Variants in ANKRD12 observed in about 807,000 individuals in gnomAD.
The protein encoded by ANKRD12 is ankyrin repeat domain 12.
ANKRD12 carries 85 observed loss-of-function variants against 183.4 expected under a neutral mutation model. That is an observed-to-expected ratio of 0.46 (90% confidence interval 0.39 to 0.56). The LOEUF is 0.56. ANKRD12 is among the 20% of genes least tolerant of loss of function. ANKRD12 has a pLI of 0.00. For synonymous variants in ANKRD12, 914 were observed against 800.2 expected (o/e 1.14, Z -2.40); for missense variants, 2,405 against 2,357.1 (o/e 1.02, Z -0.42).
chr18:9,214,526 A>G (rs1249722304), intron 6 of ANKRD12, among the ~76,000 whole-genome samples: 2 of 152,162 alleles, frequency 1.3e-5, no homozygotes, highest in South Asian at 2.1e-4. Context: ...TGCATGCCAC[A>G]GTGAAATGTG....
intron 1 of ANKRD12, among the ~76,000 whole-genome samples, chr18:9,175,951 CTT>C (rs1268094862): frequency 6.6e-6 from 1 of 152,076 alleles, no homozygotes; most frequent in East Asian, 1.9e-4. Flanking sequence ...AAAAAAAACT[CTT>C]TGTTTCCTGA....
chr18:9,204,653 G>C, intron 4 of ANKRD12, 109 bp downstream of exon 4: 3 of 846,956 alleles, frequency 3.5e-6, no homozygotes, highest in Non-Finnish European at 5.3e-6. Context: ...AGATATCTTT[G>C]GTTAAATAAA....
At chr18:9,214,943 A>G (rs746958759) in intron 6 of ANKRD12, among the ~76,000 whole-genome samples, 5 of 152,184 alleles carry the variant, frequency 3.3e-5, no homozygotes, top group Non-Finnish European at 7.4e-5. Flanking sequence ...TCATTATACA[A>G]CAATTTTAAG....
intron 8 of ANKRD12, among the ~76,000 whole-genome samples, chr18:9,246,555 T>C (rs948842771): frequency 1.3e-5 from 2 of 152,176 alleles, no homozygotes; most frequent in Non-Finnish European, 2.9e-5. Context: ...TGTAGCCCTG[T>C]AATAAGTGAA....
intron 8 of ANKRD12, among the ~76,000 whole-genome samples, chr18:9,253,516 A>G (rs1269712347): frequency 6.6e-6 from 1 of 152,190 alleles, no homozygotes; most frequent in Admixed American, 6.5e-5. Context: ...ATAGAATTTC[A>G]TTCTTTTCTA....
intron 11 of ANKRD12, 57 bp from the exon 12 acceptor site, chr18:9,279,492 G>C: frequency 1.0e-6 from 1 of 983,130 alleles, no homozygotes; most frequent in South Asian, 1.4e-5. Flanking sequence ...TACTATAATG[G>C]CATATAGATT....
At chr18:9,168,089 G>A (rs1389087906) in intron 1 of ANKRD12, among the ~76,000 whole-genome samples, 1 of 152,154 alleles carries the variant, frequency 6.6e-6, no homozygotes, top group Middle Eastern at 3.2e-3. Flanking sequence ...TGGTGGATAA[G>A]CTTCTTGATG....
intron 10 of ANKRD12, among the ~76,000 whole-genome samples, chr18:9,269,815 C>T (rs554499991): frequency 2.9e-4 from 44 of 152,116 alleles, no homozygotes; most frequent in Non-Finnish European, 5.6e-4. Flanking sequence ...AAAGAAACTA[C>T]CATCAGAGTG....
intron 8 of ANKRD12, chr18:9,249,663 A>G (rs567853152): frequency 6.6e-6 from 1 of 152,310 alleles, no homozygotes; most frequent in African/African-American, 2.4e-5. Flanking sequence ...GGCTAGTTAA[A>G]TGAAGCAGTG....
At chr18:9,209,143 T>G (rs897399501) in intron 5 of ANKRD12, among the ~76,000 whole-genome samples, 3 of 152,218 alleles carry the variant, frequency 2.0e-5, no homozygotes, top group Non-Finnish European at 2.9e-5. Context: ...TTGTGCCACA[T>G]GTATGTATGT....
intron 2 of ANKRD12, among the ~76,000 whole-genome samples, chr18:9,186,137 ATTTT>A (rs11310603): frequency 7.9e-6 from 1 of 126,758 alleles, no homozygotes. Flanking sequence ...TAAAAGTGTG[ATTTT>A]TTTTTTTTTT....
intron 10 of ANKRD12, among the ~76,000 whole-genome samples, chr18:9,265,066 C>T (rs1567994026): frequency 2.0e-5 from 3 of 151,368 alleles, no homozygotes; most frequent in African/African-American, 7.3e-5. Flanking sequence ...AAGGCGGGAG[C>T]GAGGCTGGGG....
intron 1 of ANKRD12, among the ~76,000 whole-genome samples, chr18:9,178,286 T>C (rs567306854): frequency 6.6e-6 from 1 of 152,050 alleles, no homozygotes; most frequent in South Asian, 2.1e-4. Context: ...ATTTTGAGGC[T>C]AATTTTTCTC....
chr18:9,280,938 T>C lies in ANKRD12; in HGVS notation c.6004-3T>C. On this transcript the variant is annotated splice_region_variant and splice_polypyrimidine_tract_variant and intron_variant, in intron 12 of 12. Coordinates refer to ENST00000262126, the MANE Select transcript of ANKRD12 (RefSeq NM_015208.5). ...CAAGTAACTCTTCTCTTCTTTTAAA[T>C]AGACCTGTCTTTTAATGAGGCAACA... 1 of 1,606,134 alleles carries C rather than the reference T, an allele frequency of 6.2e-7. No individual in the cohort carries two copies. The highest frequency in any genetic ancestry group is 8.5e-7 in the Non-Finnish European group (1 of 1,178,120).
chr18:9,273,124 G>C (rs1442749410), intron 10 of ANKRD12, among the ~76,000 whole-genome samples: 1 of 152,100 alleles, frequency 6.6e-6, no homozygotes, highest in African/African-American at 2.4e-5. Context: ...CAGGTCCCAG[G>C]GTTATCCCCA....
At chr18:9,138,075 G>A (rs1395028236) in intron 1 of ANKRD12, among the ~76,000 whole-genome samples, 1 of 152,178 alleles carries the variant, frequency 6.6e-6, no homozygotes, top group Non-Finnish European at 1.5e-5. Flanking sequence ...TGTATGTAAT[G>A]GTTCGGAATT....
intron 1 of ANKRD12, among the ~76,000 whole-genome samples, chr18:9,153,869 T>C (rs1275690339): frequency 6.6e-6 from 1 of 152,192 alleles, no homozygotes; most frequent in Non-Finnish European, 1.5e-5. Flanking sequence ...TTCTTTGGCT[T>C]ATCTATTATA....
intron 8 of ANKRD12, among the ~76,000 whole-genome samples, chr18:9,234,645 G>T (rs577898745): frequency 1.5e-4 from 23 of 152,098 alleles, no homozygotes; most frequent in Non-Finnish European, 2.6e-4. Flanking sequence ...AGATATGGGG[G>T]CTATGGTTCC....
At chr18:9,230,806 G>T (rs966817963) in intron 8 of ANKRD12, among the ~76,000 whole-genome samples, 1 of 151,598 alleles carries the variant, frequency 6.6e-6, no homozygotes. Flanking sequence ...CTACAGATGC[G>T]TGCCATCACA....
Sources: allele counts gnomAD v4.1 joint callset (sites outside exome capture counted in the v4.1 genomes callset), GRCh38; gene constraint gnomAD v4.1.1; transcripts MANE v1.5; gene names NCBI Gene and HGNC (gene_info 2026-07-23, HGNC 2026-07-21).